The following MICALL1 variants were observed in gnomAD, a reference collection of about 807,000 sequenced individuals.
The protein encoded by MICALL1 is MICAL like 1.
Under a neutral mutation model 83.7 loss-of-function variants are expected in MICALL1, and 61 were observed. The ratio of observed to expected loss-of-function variants is 0.73; its 90% CI spans 0.59 to 0.90. The LOEUF (loss-of-function observed/expected upper bound fraction) is 0.90. MICALL1 is among the 40% of genes least tolerant of loss of function. The pLI is 0.00. For synonymous variants in MICALL1, 481 were observed against 473.6 expected (o/e 1.02, Z -0.20); for missense variants, 1,066 against 1,152.0 (o/e 0.93, Z 1.08).
chr22:37,918,217 C>A (rs1057053161), intron 4 of MICALL1, among the ~76,000 whole-genome samples: 4 of 152,310 alleles, frequency 2.6e-5, no homozygotes, highest in Non-Finnish European at 5.9e-5. Flanking sequence ...CTCAACAACC[C>A]AGGGAGGTCA....
Position 37,924,684 on chromosome 22 carries a change from C to G in MICALL1, c.1049C>G (p.Pro350Arg). 1 of 1,612,336 alleles carries G rather than the reference C, an allele frequency of 6.2e-7. No homozygotes were observed. The highest frequency in any genetic ancestry group is 8.5e-7 in the Non-Finnish European group (1 of 1,179,090). The change falls in exon 7 of 16, where the codon CCC becomes CGC. Residue 350 changes from proline to arginine, a missense_variant. Pro to Arg is a moderately radical substitution (Grantham distance 103). Transcript: ENST00000215957. This position sits in a 1 kb window ranked among gnomAD's most constrained non-coding sequence, Gnocchi z 5.2. ...VNGRLHELPV[P>R]KPRGTPKPSE... ...GGGAGACTGCACGAACTGCCTGTCC[C>G]CAAGCCGAGGGGGACACCGAAGCCG...
At chr22:37,936,554 T>C (rs1385458073) in intron 13 of MICALL1, among the ~76,000 whole-genome samples, 1 of 152,222 alleles carries the variant, frequency 6.6e-6, no homozygotes, top group East Asian at 1.9e-4. Flanking sequence ...GTAGGCAGCC[T>C]GGTGTCCTTG....
In MICALL1 at chr22:37,932,075, C is replaced by A; in HGVS notation, c.2016+142C>A. The stretch of plus-strand genomic sequence containing the variant: ...ATGCTCAAGAGAGCACTCTTGGCGG[C>A]CCAACTGGAAGGTCTAGCTTGCAGC... On this transcript the variant is annotated intron_variant, in intron 10 of 15. Coordinates refer to ENST00000215957, the MANE Select transcript of MICALL1 (RefSeq NM_033386.4). This position sits in a 1 kb window ranked among gnomAD's most constrained non-coding sequence, Gnocchi z 4.4. The A allele has an allele frequency of 7.8e-7, 1 of 1,277,792 alleles. No individual in the cohort carries two copies. The highest frequency in any genetic ancestry group is 1.1e-6 in the Non-Finnish European group (1 of 946,388). The allele number at this position is 1,277,792 out of a possible 1,614,324, so 79.2% of individuals were successfully genotyped here.
At chr22:37,908,142 T>C (rs1162702750) in intron 1 of MICALL1, among the ~76,000 whole-genome samples, 1 of 152,128 alleles carries the variant, frequency 6.6e-6, no homozygotes, top group Non-Finnish European at 1.5e-5. Context: ...GCGCATGGCC[T>C]TGGGTCCTCA....
chr22:37,925,733 A>G lies in MICALL1; in HGVS notation c.1155A>G (p.Pro385=). 2 of 1,611,114 alleles carry G rather than the reference A, an allele frequency of 1.2e-6. No homozygotes were observed. Among genetic ancestry groups the G allele is most frequent in the Non-Finnish European group, 1.7e-6 (2 of 1,179,580 alleles). Reference sequence around the variant, plus strand: ...CAGAACCAAAGAAGAAGCCAGCCCCACTTCCCCCAAGCAGCAGCCCGGGGC... The same window carrying G: ...CAGAACCAAAGAAGAAGCCAGCCCCGCTTCCCCCAAGCAGCAGCCCGGGGC... ...VQAEPKKKPA[P]LPPSSSPGPP... The change falls in exon 8 of 16, where the codon CCA becomes CCG. Residue 385 remains proline, a synonymous_variant. Coordinates refer to ENST00000215957, the MANE Select transcript of MICALL1 (RefSeq NM_033386.4).
intron 8 of MICALL1, 130 bp from the exon 9 acceptor site, chr22:37,927,281 C>T (rs1458567456): frequency 3.6e-6 from 4 of 1,113,536 alleles, no homozygotes; most frequent in African/African-American, 1.6e-5. Flanking sequence ...TGGGCCTTGG[C>T]CCTGTCTCGA....
chr22:37,914,793 A>C (rs1449709418), intron 3 of MICALL1, among the ~76,000 whole-genome samples: 1 of 150,950 alleles, frequency 6.6e-6, no homozygotes, highest in Non-Finnish European at 1.5e-5. Flanking sequence ...TGGTGCATGC[A>C]ACCACACCCA....
At chr22:37,937,947 T>C in intron 15 of MICALL1, 155 bp downstream of exon 15, 1 of 922,252 alleles carries the variant, frequency 1.1e-6, no homozygotes, top group Non-Finnish European at 1.7e-6. Flanking sequence ...GGGCTGTGTG[T>C]AGCAAGAGAG....
chr22:37,908,287 CT>C (rs550176052), intron 1 of MICALL1, among the ~76,000 whole-genome samples: 8,521 of 142,820 alleles, frequency 0.06, 742 homozygotes, highest in African/African-American at 0.2. Flanking sequence ...ACTAATGTTA[CT>C]TTTTTTTTTT....
In MICALL1 at chr22:37,927,535, G is replaced by A. The variant is rs138192828; in HGVS notation, c.1590G>A (p.Pro530=). ...SQTAGAELLE[P]PAVPKSSSEP... is the part of the protein sequence containing the mutation. Reference sequence around the variant, plus strand: ...CTGCAGGTGCAGAGCTTCTGGAGCCGCCAGCTGTGCCCAAGAGCTCCTCAG... The same window carrying A: ...CTGCAGGTGCAGAGCTTCTGGAGCCACCAGCTGTGCCCAAGAGCTCCTCAG... Residue 530 remains proline, a synonymous_variant, in exon 9 of 16, where the codon CCG becomes CCA. Coordinates refer to ENST00000215957, the MANE Select transcript of MICALL1 (RefSeq NM_033386.4). 49 of 1,613,570 alleles carry A rather than the reference G, an allele frequency of 3.0e-5. No individual in the cohort carries two copies. In the African/African-American group the frequency reaches 3.3e-4, roughly 11 times the overall value.
At chr22:37,912,041 ATGTG>A (rs3041723) in intron 2 of MICALL1, 41 bp downstream of exon 2, 530,466 of 1,508,196 alleles carry the variant, frequency 0.35, 58,238 homozygotes, top group African/African-American at 0.39. Flanking sequence ...GGCTCTGTGT[ATGTG>A]TGTGTGTGTG....
chr22:37,937,721 G>A (rs377247809), intron 14 of MICALL1, 25 bp from the exon 15 acceptor site: 34 of 1,612,002 alleles, frequency 2.1e-5, no homozygotes, highest in African/African-American at 4.0e-5. Context: ...ACCACGCCCA[G>A]CTTAACTGCT....
Position 37,940,948 on chromosome 22 carries a change from G to T in MICALL1, c.*118G>T. 7.7e-7 allele frequency: 1 copy of T among 1,298,098 alleles called. No homozygotes were observed. The allele number at this position is 1,298,098 out of a possible 1,614,324, so 80.4% of individuals were successfully genotyped here. On this transcript the variant is annotated 3_prime_UTR_variant, in exon 16 of 16. Transcript: ENST00000215957. ...GTCAGGAGGAAGATGACTAAGGGGAGGGATCCTCTGGGTGATGGCCTCTTC... is the reference window on the plus strand; with the variant it reads ...GTCAGGAGGAAGATGACTAAGGGGATGGATCCTCTGGGTGATGGCCTCTTC...
intron 3 of MICALL1, among the ~76,000 whole-genome samples, chr22:37,912,787 A>C (rs1373329952): frequency 1.4e-5 from 2 of 148,020 alleles, no homozygotes; most frequent in Non-Finnish European, 3.0e-5. Flanking sequence ...TCAGACTCCC[A>C]AGTAGCTGGG....
intron 5 of MICALL1, among the ~76,000 whole-genome samples, chr22:37,921,296 A>C (rs1929016200): frequency 6.6e-6 from 1 of 152,132 alleles, no homozygotes; most frequent in African/African-American, 2.4e-5. Flanking sequence ...AGCCGGAAGT[A>C]GTGGCTCACA....
chr22:37,917,625 C>T, intron 3 of MICALL1, 82 bp from the exon 4 acceptor site: 4 of 1,311,910 alleles, frequency 3.0e-6, no homozygotes, highest in Non-Finnish European at 4.4e-6. Context: ...GGCTACAGGT[C>T]TCAAATCTTC....
chr22:37,927,863 T>G (rs1286029665), intron 9 of MICALL1, 37 bp downstream of exon 9: 1 of 1,551,528 alleles, frequency 6.4e-7, no homozygotes, highest in East Asian at 2.3e-5. Flanking sequence ...AGTGACATCC[T>G]CTCTAGTGGA....
chr22:37,939,743 C>T (rs1384729484), intron 15 of MICALL1, among the ~76,000 whole-genome samples: 1 of 129,394 alleles, frequency 7.7e-6, no homozygotes, highest in African/African-American at 3.0e-5. Flanking sequence ...CACTGCATTC[C>T]AGCCTGGGCG....
intron 9 of MICALL1, among the ~76,000 whole-genome samples, chr22:37,928,547 A>G (rs1210344717): frequency 1.3e-5 from 2 of 152,102 alleles, no homozygotes; most frequent in Admixed American, 6.5e-5. Flanking sequence ...TGACTTCCTG[A>G]GTGGCCTTGG....
Sources: allele counts gnomAD v4.1 joint callset (sites outside exome capture counted in the v4.1 genomes callset), GRCh38; gene constraint gnomAD v4.1.1; non-coding constraint Gnocchi (gnomAD v3.1); transcripts MANE v1.5; gene names NCBI Gene and HGNC (gene_info 2026-07-23, HGNC 2026-07-21).